Variants in RSPO1 observed in about 807,000 individuals in gnomAD.
RSPO1 encodes the protein R-spondin-1.
RSPO1 carries 18 observed loss-of-function variants against 26.0 expected under a neutral mutation model. That is an observed-to-expected ratio of 0.69 (90% CI 0.48 to 1.03). The LOEUF is 1.03. RSPO1 is among the 50% of genes least tolerant of loss of function. RSPO1 has a pLI of 0.00. For missense variants in RSPO1, 309 were observed against 352.3 expected, an observed-to-expected ratio of 0.88 and a Z score of 0.98; for synonymous variants, 133 against 137.4, an observed-to-expected ratio of 0.97 and a Z score of 0.22.
Position 37,618,805 on chromosome 1 carries a change from AAGGAG to A in RSPO1, c.95-2135_95-2131del, listed in dbSNP as rs1430076633. Among the ~76,000 whole-genome samples, 4 of 152,130 alleles carry A rather than the reference AAGGAG, an allele frequency of 2.6e-5. No individual in the cohort carries two copies. In the East Asian group the frequency reaches 7.7e-4, roughly 29 times the overall value. On this transcript the variant is annotated intron_variant, in intron 3 of 6. Coordinates refer to ENST00000356545, the MANE Select transcript of RSPO1 (RefSeq NM_001242908.2). ...TGGCAAGAGAAGCGAGTTGAGAGGG[AAGGAG>A]AGGAAGGAAAGTAGTTACATTGAGT...
rs543448201 is a variant in RSPO1, at chr1:37,616,634, G to T, written c.136C>A (p.Leu46Ile). 8 of 1,614,160 alleles carry T rather than the reference G, an allele frequency of 5.0e-6. No individual in the cohort carries two copies. The African/African-American group carries it at 9.3e-5, about 19-fold the overall frequency. ...AGGCAGCCGTTGACTTCAGAGCAGA[G>T]CTCACAGCCTTTGGCACAGGCCTGG... ...GSQACAKGCE[L>I]CSEVNGCLKC... Residue 46 changes from leucine to isoleucine, a missense_variant, in exon 4 of 7, where the codon CTC becomes ATC. Physicochemically the swap from Leu to Ile is conservative, Grantham distance 5 (BLOSUM62 2). Coordinates refer to ENST00000356545, the MANE Select transcript of RSPO1 (RefSeq NM_001242908.2).
intron 3 of RSPO1, among the ~76,000 whole-genome samples, chr1:37,625,656 C>A (rs115051762): frequency 1.3e-5 from 2 of 151,094 alleles, no homozygotes; most frequent in Non-Finnish European, 2.9e-5. Context: ...GCCCTGGGCA[C>A]GTCCCGCTGG....
In RSPO1 at chr1:37,629,715, G is replaced by A. The variant is rs1362076615; in HGVS notation, c.-54C>T. 6.2e-7 allele frequency: 1 copy of A among 1,604,286 alleles called. No individual in the cohort carries two copies. Among genetic ancestry groups the A allele is most frequent in the African/African-American group, 1.3e-5 (1 of 74,558 alleles). On this transcript the variant is annotated 5_prime_UTR_variant, in exon 3 of 7. Coordinates refer to ENST00000356545, the MANE Select transcript of RSPO1 (RefSeq NM_001242908.2). ...CGGAGGGGTGGTCTCGGGGAGGGTG[G>A]ATAGCACACGGCTCTTGCTAACACC...
chr1:37,615,037 C>G (rs935590070), intron 4 of RSPO1, among the ~76,000 whole-genome samples: 2 of 152,182 alleles, frequency 1.3e-5, no homozygotes, highest in African/African-American at 4.8e-5. Context: ...CAGGGTCTTT[C>G]ACAATCTCTC....
Position 37,629,709 on chromosome 1 carries a change from A to C in RSPO1, c.-48T>G, listed in dbSNP as rs748254291. On this transcript the variant is annotated 5_prime_UTR_variant, in exon 3 of 7. Transcript: ENST00000356545. ...CCTGGTCGGAGGGGTGGTCTCGGGG[A>C]GGGTGGATAGCACACGGCTCTTGCT... The C allele has an allele frequency of 1.9e-6, 3 of 1,608,606 alleles. No individual in the cohort carries two copies. The highest frequency in any genetic ancestry group is 2.5e-6 in the Non-Finnish European group (3 of 1,177,606).
intron 3 of RSPO1, among the ~76,000 whole-genome samples, chr1:37,618,925 C>T (rs145740744): frequency 0.02 from 2,997 of 152,206 alleles, 43 homozygotes; most frequent in South Asian, 0.037. Flanking sequence ...AGAAGGGCAA[C>T]AAGAGCCAGG....
Position 37,612,829 on chromosome 1 carries a change from G to C in RSPO1, c.718C>G (p.Arg240Gly). The change falls in exon 7 of 7, where the codon CGA becomes GGA. Residue 240 changes from arginine to glycine, a missense_variant. Transcript: ENST00000356545. ...KESKEAGAGS[R>G]RRKGQQQQQQ... ...TGCTGTTGCTGCCCCTTGCGTCTTC[G>C]AGAGCCAGCACCCGCCTCCTTGCTC... 1.2e-6 allele frequency: 2 copies of C among 1,613,730 alleles called. No homozygotes were observed. The highest frequency in any genetic ancestry group is 1.7e-6 in the Non-Finnish European group (2 of 1,180,022).
intron 1 of RSPO1, among the ~76,000 whole-genome samples, chr1:37,633,497 G>T (rs1013502878): frequency 6.6e-6 from 1 of 152,214 alleles, no homozygotes; most frequent in African/African-American, 2.4e-5. Context: ...TCACCTTCTT[G>T]CCTGCAATAC....
At chr1:37,627,506 C>G (rs1173931196) in intron 3 of RSPO1, among the ~76,000 whole-genome samples, 1 of 151,962 alleles carries the variant, frequency 6.6e-6, no homozygotes, top group Non-Finnish European at 1.5e-5. Context: ...AAAAATTAGC[C>G]AGGCATGGTG....
chr1:37,616,455 C>A (rs202003022), intron 4 of RSPO1, 29 bp downstream of exon 4: 482 of 1,609,968 alleles, frequency 3.0e-4, no homozygotes, highest in Middle Eastern at 5.3e-4. Context: ...CTAATGCCCC[C>A]TGCCCCCGAC....
At chr1:37,623,793 C>G (rs146111560) in intron 3 of RSPO1, among the ~76,000 whole-genome samples, 2,146 of 150,618 alleles carry the variant, frequency 0.014, 23 homozygotes, top group Non-Finnish European at 0.021. Flanking sequence ...GGTGTCTCAC[C>G]CTGTTGGCCA....
chr1:37,612,658 G>T lies in RSPO1; in HGVS notation c.*97C>A. The T allele has an allele frequency of 7.7e-7, 1 of 1,291,124 alleles. No individual in the cohort carries two copies. Among genetic ancestry groups the T allele is most frequent in the Non-Finnish European group, 1.1e-6 (1 of 900,748 alleles). The allele number at this position is 1,291,124 out of a possible 1,614,324, so 80.0% of individuals were successfully genotyped here. On this transcript the variant is annotated 3_prime_UTR_variant, in exon 7 of 7. Coordinates refer to ENST00000356545, the MANE Select transcript of RSPO1 (RefSeq NM_001242908.2). Reference sequence around the variant, plus strand: ...TGCATGGATGGATTGGAGTGTGTGTGTATGCTTTGCCCCCGACGTTCCAGT... The same window carrying T: ...TGCATGGATGGATTGGAGTGTGTGTTTATGCTTTGCCCCCGACGTTCCAGT...
chr1:37,633,231 G>T (rs565173213), intron 1 of RSPO1, among the ~76,000 whole-genome samples: 2 of 152,268 alleles, frequency 1.3e-5, no homozygotes, highest in Non-Finnish European at 2.9e-5. Context: ...CCTGCCCTCA[G>T]GTTTGCTACC....
chr1:37,631,305 CA>C (rs1282079728), intron 2 of RSPO1, among the ~76,000 whole-genome samples: 5 of 152,238 alleles, frequency 3.3e-5, no homozygotes, highest in Admixed American at 6.5e-5. Context: ...TGATGGATCC[CA>C]CCTGGTGCTG....
chr1:37,616,967 G>A (rs1570100710), intron 3 of RSPO1, among the ~76,000 whole-genome samples: 3 of 152,244 alleles, frequency 2.0e-5, no homozygotes, highest in Admixed American at 6.5e-5. Context: ...AGCAACCCAA[G>A]CTGCAGCCTT....
chr1:37,628,085 C>T (rs1644304546), intron 3 of RSPO1, among the ~76,000 whole-genome samples: 1 of 152,208 alleles, frequency 6.6e-6, no homozygotes, highest in African/African-American at 2.4e-5. Context: ...CCTGTGACCT[C>T]TGGTTTAGCC....
chr1:37,616,806 G>A (rs529944578), intron 3 of RSPO1, 131 bp from the exon 4 acceptor site: 34 of 871,000 alleles, frequency 3.9e-5, no homozygotes, highest in Non-Finnish European at 5.8e-5. Flanking sequence ...AGAAAGCACC[G>A]GCCAGGCTGG....
At chr1:37,619,861 C>T (rs1477033561) in intron 3 of RSPO1, among the ~76,000 whole-genome samples, 1 of 152,002 alleles carries the variant, frequency 6.6e-6, no homozygotes, top group Non-Finnish European at 1.5e-5. Context: ...GATTCTCCTG[C>T]CTCAGCCTCC....
At chr1:37,633,226 C>G (rs887365576) in intron 1 of RSPO1, among the ~76,000 whole-genome samples, 2 of 152,250 alleles carry the variant, frequency 1.3e-5, no homozygotes, top group South Asian at 4.1e-4. Context: ...AGGGACCTGC[C>G]CTCAGGTTTG....
Sources: gnomAD v4.1 joint callset for allele counts (sites outside exome capture counted in the v4.1 genomes callset) on GRCh38, gnomAD v4.1.1 for gene constraint, MANE v1.5 for transcripts, NCBI Gene and HGNC (gene_info 2026-07-23, HGNC 2026-07-21) for gene names.